SUPT3H: variants seen among roughly 807,000 people sequenced by gnomAD.
The protein encoded by SUPT3H is transcription initiation protein SPT3 homolog.
SUPT3H carries 44 observed loss-of-function variants against 44.3 expected under a neutral mutation model. The observed-to-expected ratio is 0.99, with a 90% CI of 0.78 to 1.28. The LOEUF is 1.28. Ranked by LOEUF, SUPT3H falls within the 50% of genes most tolerant of loss-of-function variation. The pLI is 0.00. For missense variants in SUPT3H, 380 were observed against 387.1 expected, an observed-to-expected ratio of 0.98 and a Z score of 0.15; for synonymous variants, 124 against 125.6, an observed-to-expected ratio of 0.99 and a Z score of 0.09.
intron 10 of SUPT3H, among the ~76,000 whole-genome samples, chr6:44,911,040 A>G (rs1376917181): frequency 1.3e-5 from 2 of 151,082 alleles, no homozygotes; most frequent in Non-Finnish European, 2.9e-5. Flanking sequence ...TTTATAAATG[A>G]AATAGTCTAA....
intron 6 of SUPT3H, among the ~76,000 whole-genome samples, chr6:44,998,152 C>CT (rs917566264): frequency 4.0e-5 from 6 of 150,676 alleles, no homozygotes; most frequent in South Asian, 2.1e-4. Context: ...ACAAGTTCTC[C>CT]TTTTTTTTTC....
chr6:45,177,817 G>C (rs1027218864), intron 2 of SUPT3H, among the ~76,000 whole-genome samples: 45 of 152,032 alleles, frequency 3.0e-4, no homozygotes, highest in Admixed American at 2.6e-4. Context: ...TCCAGCCAAA[G>C]TAAGCTTCAT....
At chr6:45,049,483 T>G (rs1394923648) in intron 3 of SUPT3H, among the ~76,000 whole-genome samples, 1 of 152,178 alleles carries the variant, frequency 6.6e-6, no homozygotes, top group Non-Finnish European at 1.5e-5. Context: ...ATAAGGGGTA[T>G]GGATTTTCTA....
At position 44,828,489 on chromosome 6, in the gene SUPT3H, T is replaced by TAA. The variant is rs901954294; in HGVS notation, c.*1325_*1326dup. Among the ~76,000 whole-genome samples, 1 of 152,156 alleles carries TAA rather than the reference T, an allele frequency of 6.6e-6. No homozygotes were observed. Among genetic ancestry groups the TAA allele is most frequent in the African/African-American group, 2.4e-5 (1 of 41,464 alleles). ...TTCTTTGAGTCTGATGGTTTTCAAA[T>TAA]AAAAAGTCTTGAATTTAAAATTGAA... On this transcript the variant is annotated 3_prime_UTR_variant, in exon 11 of 11. Coordinates refer to ENST00000371459, the MANE Select transcript of SUPT3H (RefSeq NM_003599.4).
chr6:44,985,145 C>T (rs566748575), intron 6 of SUPT3H, among the ~76,000 whole-genome samples: 2 of 147,896 alleles, frequency 1.4e-5, no homozygotes, highest in South Asian at 2.1e-4. Context: ...TCAGAACCAG[C>T]CTGGTTAACA....
intron 2 of SUPT3H, among the ~76,000 whole-genome samples, chr6:45,157,542 T>A (rs926536151): frequency 7.3e-5 from 11 of 151,262 alleles, no homozygotes; most frequent in Admixed American, 5.3e-4. Flanking sequence ...TATATAAATA[T>A]ATATATACAT....
intron 10 of SUPT3H, among the ~76,000 whole-genome samples, chr6:44,895,971 A>C (rs958258741): frequency 6.6e-6 from 1 of 151,902 alleles, no homozygotes; most frequent in Non-Finnish European, 1.5e-5. Context: ...GCCCTGTAAG[A>C]CTTCTTACTT....
intron 2 of SUPT3H, among the ~76,000 whole-genome samples, chr6:45,257,576 T>A (rs1335003729): frequency 6.6e-6 from 1 of 152,182 alleles, no homozygotes; most frequent in African/African-American, 2.4e-5. Flanking sequence ...TGTGCTACTA[T>A]AACAGATTAC....
At chr6:45,054,340 G>A (rs548953074) in intron 3 of SUPT3H, among the ~76,000 whole-genome samples, 1 of 152,112 alleles carries the variant, frequency 6.6e-6, no homozygotes, top group South Asian at 2.1e-4. Context: ...TGTCGCACAG[G>A]GATACAGAGA....
chr6:45,218,069 G>A (rs540475646), intron 2 of SUPT3H, among the ~76,000 whole-genome samples: 1 of 152,036 alleles, frequency 6.6e-6, no homozygotes, highest in Non-Finnish European at 1.5e-5. Context: ...ATAATTAAAT[G>A]AAAATTGTTG....
chr6:44,886,746 G>C (rs28791229), intron 10 of SUPT3H, among the ~76,000 whole-genome samples: 9 of 152,166 alleles, frequency 5.9e-5, no homozygotes, highest in African/African-American at 2.2e-4. Flanking sequence ...CATAATGACA[G>C]GATCAAATTC....
At chr6:45,235,301 G>T (rs551930145) in intron 2 of SUPT3H, among the ~76,000 whole-genome samples, 93 of 152,124 alleles carry the variant, frequency 6.1e-4, no homozygotes, top group African/African-American at 2.1e-3. Context: ...TTAAATTACT[G>T]ATAAGGACAA....
At chr6:44,966,362 T>G (rs1776772838) in intron 6 of SUPT3H, among the ~76,000 whole-genome samples, 1 of 150,942 alleles carries the variant, frequency 6.6e-6, no homozygotes, top group Non-Finnish European at 1.5e-5. Flanking sequence ...AAAATGAAAC[T>G]AATAAAACTG....
chr6:45,081,838 T>C (rs12208483), intron 3 of SUPT3H, among the ~76,000 whole-genome samples: 55,866 of 151,904 alleles, frequency 0.37, 10,832 homozygotes, highest in Non-Finnish European at 0.43. Flanking sequence ...AACTGCCTGC[T>C]CAGCAATTTC....
intron 2 of SUPT3H, among the ~76,000 whole-genome samples, chr6:45,234,572 T>C (rs1456772036): frequency 1.3e-5 from 2 of 151,006 alleles, no homozygotes; most frequent in African/African-American, 4.8e-5. Flanking sequence ...GAAATACATA[T>C]ATATATACAC....
At chr6:45,216,385 C>T (rs1433930274) in intron 2 of SUPT3H, among the ~76,000 whole-genome samples, 5 of 151,892 alleles carry the variant, frequency 3.3e-5, no homozygotes, top group South Asian at 2.1e-4. Flanking sequence ...AATAAAGGAA[C>T]GAAGTATATA....
At chr6:45,038,442 C>G (rs1349894619) in intron 3 of SUPT3H, among the ~76,000 whole-genome samples, 1 of 152,164 alleles carries the variant, frequency 6.6e-6, no homozygotes. Flanking sequence ...AGTAGCTATT[C>G]ATATTGAGAG....
At chr6:45,208,230 T>C (rs1763510294) in intron 2 of SUPT3H, among the ~76,000 whole-genome samples, 2 of 152,206 alleles carry the variant, frequency 1.3e-5, no homozygotes, top group Admixed American at 6.5e-5. Flanking sequence ...GCATTAATTC[T>C]TCTCAATTCT....
At chr6:44,940,872 C>T (rs1481870726) in intron 9 of SUPT3H, among the ~76,000 whole-genome samples, 1 of 152,058 alleles carries the variant, frequency 6.6e-6, no homozygotes, top group Non-Finnish European at 1.5e-5. Flanking sequence ...CTAAGTATCA[C>T]TACTGCTGTT....
Sources: allele counts gnomAD v4.1 joint callset (sites outside exome capture counted in the v4.1 genomes callset), GRCh38; gene constraint gnomAD v4.1.1; transcripts MANE v1.5; gene names NCBI Gene and HGNC (gene_info 2026-07-23, HGNC 2026-07-21).